Variants in SRGAP3 observed in about 807,000 individuals in gnomAD.
SRGAP3 encodes SLIT-ROBO Rho GTPase-activating protein 3.
A neutral mutation model predicts 121.1 loss-of-function variants in SRGAP3; 39 were observed. That is an observed-to-expected ratio of 0.32 (90% confidence interval 0.25 to 0.42). SRGAP3 has a LOEUF of 0.42. Ranked by LOEUF, SRGAP3 falls within the 10% of genes least tolerant of loss-of-function variation. SRGAP3 has a pLI of 1.00. For synonymous variants in SRGAP3, 601 were observed against 570.0 expected (o/e 1.05, Z -0.77); for missense variants, 1,213 against 1,470.6 (o/e 0.82, Z 2.86).
At chr3:9,187,209 G>A (rs140434865) in intron 1 of SRGAP3, among the ~76,000 whole-genome samples, 9 of 151,248 alleles carry the variant, frequency 6.0e-5, no homozygotes, top group Middle Eastern at 3.4e-3. Flanking sequence ...GAGAACATGC[G>A]GTGTTTGGTT....
At chr3:9,356,382 T>C (rs1454059309) in intron 1 of SRGAP3, among the ~76,000 whole-genome samples, 3 of 130,764 alleles carry the variant, frequency 2.3e-5, no homozygotes, top group African/African-American at 8.8e-5. Flanking sequence ...TTTTTTTTTT[T>C]TTTTTTTTGA....
chr3:9,036,164 C>A (rs1381753828), intron 11 of SRGAP3: 2 of 152,198 alleles, frequency 1.3e-5, no homozygotes, highest in African/African-American at 4.8e-5. Flanking sequence ...TAACATGCTG[C>A]AGCCCATATG....
intron 1 of SRGAP3, among the ~76,000 whole-genome samples, chr3:9,213,296 T>C (rs964978091): frequency 2.0e-5 from 3 of 151,220 alleles, no homozygotes; most frequent in Admixed American, 6.6e-5. Flanking sequence ...TGATTCATCA[T>C]AGGCACCTGC....
chr3:9,335,612 A>G (rs940400271), intron 1 of SRGAP3, among the ~76,000 whole-genome samples: 4 of 152,214 alleles, frequency 2.6e-5, no homozygotes, highest in African/African-American at 7.2e-5. Flanking sequence ...TCCCCACACC[A>G]GTAGCATCAG....
At chr3:9,316,508 A>G (rs950147370) in intron 3 of SRGAP3, among the ~76,000 whole-genome samples, 1 of 152,100 alleles carries the variant, frequency 6.6e-6, no homozygotes, top group African/African-American at 2.4e-5. Context: ...AATACAAAAA[A>G]ATTAGCTGGG....
chr3:8,984,774 C>G lies in SRGAP3; in HGVS notation c.*745G>C, dbSNP rs1941590738. On this transcript the variant is annotated 3_prime_UTR_variant, in exon 22 of 22. Coordinates refer to ENST00000383836, the MANE Select transcript of SRGAP3 (RefSeq NM_014850.4). The stretch of plus-strand genomic sequence containing the variant: ...ATGAAGGGTTCCCCACCTCTGGGAG[C>G]AGCCTGCTTGGGGGTACTGCCTGCC... 4.3e-6 allele frequency: 1 copy of G among 231,772 alleles called. No individual in the cohort carries two copies. The highest frequency in any genetic ancestry group is 8.6e-6 in the Non-Finnish European group (1 of 116,926). The allele number at this position is 231,772 out of a possible 1,614,324, so 14.4% of individuals were successfully genotyped here.
intron 1 of SRGAP3, among the ~76,000 whole-genome samples, chr3:9,133,370 G>A (rs1049743562): frequency 9.2e-5 from 14 of 152,012 alleles, no homozygotes; most frequent in Non-Finnish European, 1.8e-4. Flanking sequence ...TGTAATCCCA[G>A]CTAACTGTTA....
Position 9,015,630 on chromosome 3 carries a change from TAGGAA to T in SRGAP3, c.1775_1779del (p.Phe592Ter), listed in dbSNP as rs1346514714. 1.9e-6 allele frequency: 3 copies of T among 1,613,988 alleles called. No individual in the cohort carries two copies. The highest frequency in any genetic ancestry group is 2.5e-6 in the Non-Finnish European group (3 of 1,179,990). ...GATATCAAATCTTGAAACCTTTCCT[TAGGAA>T]AGAGTGGGTTTTCCAGTCCTCGGAA... On this transcript the variant is annotated frameshift_variant, in exon 15 of 22. Coordinates refer to ENST00000383836, the MANE Select transcript of SRGAP3 (RefSeq NM_014850.4). LOFTEE classifies it high-confidence loss of function.
chr3:9,218,420 G>A lies in SRGAP3; in HGVS notation c.67+30465C>T, dbSNP rs542309361. The A allele has an allele frequency of 6.6e-6, 1 of 152,222 alleles. No homozygotes were observed. The highest frequency in any genetic ancestry group is 2.4e-5 in the African/African-American group (1 of 41,502). The allele number at this position is 152,222 out of a possible 1,614,324, so 9.4% of individuals were successfully genotyped here. On this transcript the variant is annotated intron_variant, in intron 1 of 21. Coordinates refer to ENST00000383836, the MANE Select transcript of SRGAP3 (RefSeq NM_014850.4). This position sits in a 1 kb window ranked among gnomAD's most constrained non-coding sequence, Gnocchi z 5.3. ...GCTTAGCAGAGAAAATAAACACACCGTCCATATACACCATGCCCAGCCCCA... is the reference window on the plus strand; with the variant it reads ...GCTTAGCAGAGAAAATAAACACACCATCCATATACACCATGCCCAGCCCCA...
At chr3:9,067,793 G>A (rs932201663) in intron 4 of SRGAP3, among the ~76,000 whole-genome samples, 3 of 151,884 alleles carry the variant, frequency 2.0e-5, no homozygotes, top group Non-Finnish European at 2.9e-5. Context: ...ATGTATCCTG[G>A]AACTTAAAAT....
intron 1 of SRGAP3, chr3:9,348,412 C>T (rs1955945745): frequency 5.1e-6 from 3 of 587,512 alleles, no homozygotes; most frequent in Non-Finnish European, 9.4e-6. Context: ...TCCGCGAACC[C>T]CAGTCAGCGT....
intron 3 of SRGAP3, among the ~76,000 whole-genome samples, chr3:9,295,151 A>G (rs1279073802): frequency 1.3e-5 from 2 of 152,222 alleles, no homozygotes; most frequent in South Asian, 2.1e-4. Flanking sequence ...GGCCTTCCCC[A>G]TCACTCATGC....
intron 18 of SRGAP3, among the ~76,000 whole-genome samples, chr3:8,998,905 C>T (rs978151473): frequency 5.3e-5 from 8 of 152,244 alleles, no homozygotes; most frequent in African/African-American, 1.9e-4. Context: ...TGGGTCACAC[C>T]AGTAGATACA....
intron 1 of SRGAP3, among the ~76,000 whole-genome samples, chr3:9,356,192 CTTT>C (rs929664300): frequency 3.3e-5 from 4 of 122,300 alleles, no homozygotes; most frequent in Middle Eastern, 4.0e-3. Context: ...ACTTTTTTTT[CTTT>C]TTTTTTTTTT....
At chr3:9,053,265 A>G in intron 8 of SRGAP3, 41 bp from the exon 9 acceptor site, 1 of 1,588,850 alleles carries the variant, frequency 6.3e-7, no homozygotes, top group Non-Finnish European at 8.6e-7. Context: ...CTGTATTCTC[A>G]TACTGCCGTT....
At chr3:9,129,253 T>A (rs1575116821) in intron 1 of SRGAP3, among the ~76,000 whole-genome samples, 1 of 139,518 alleles carries the variant, frequency 7.2e-6, no homozygotes, top group South Asian at 2.4e-4. Context: ...TTTGATACAG[T>A]TTTAAGAGAG....
At chr3:9,040,472 A>G (rs1422092332) in intron 10 of SRGAP3, among the ~76,000 whole-genome samples, 1 of 151,978 alleles carries the variant, frequency 6.6e-6, no homozygotes, top group African/African-American at 2.4e-5. Flanking sequence ...GGCTCATTTC[A>G]CCTTGTCTTT....
At chr3:9,112,403 A>G (rs1948660854) in intron 2 of SRGAP3, among the ~76,000 whole-genome samples, 1 of 152,250 alleles carries the variant, frequency 6.6e-6, no homozygotes, top group Non-Finnish European at 1.5e-5. Context: ...TGTAGCATGA[A>G]TCATTAATTC....
chr3:9,042,501 G>A (rs528069095), intron 10 of SRGAP3, among the ~76,000 whole-genome samples: 81 of 151,850 alleles, frequency 5.3e-4, no homozygotes, highest in African/African-American at 1.9e-3. Flanking sequence ...AGAGTAATCT[G>A]GGTCTGAAAA....
Sources: allele counts gnomAD v4.1 joint callset (sites outside exome capture counted in the v4.1 genomes callset), GRCh38; gene constraint gnomAD v4.1.1; non-coding constraint Gnocchi (gnomAD v3.1); transcripts MANE v1.5; gene names NCBI Gene and HGNC (gene_info 2026-07-23, HGNC 2026-07-21).